Variants in COLEC12 observed in about 807,000 individuals in gnomAD.
COLEC12 encodes the protein collectin subfamily member 12.
A neutral mutation model predicts 71.1 loss-of-function variants in COLEC12; 33 were observed. That is an observed-to-expected ratio of 0.46 (90% CI 0.35 to 0.62). The LOEUF is 0.62. COLEC12 is among the 20% of genes least tolerant of loss of function. The pLI is 0.00. For missense variants in COLEC12, 765 were observed against 916.1 expected (o/e 0.84, Z 2.13); for synonymous variants, 350 against 353.0 (o/e 0.99, Z 0.10).
Position 346,467 on chromosome 18 carries a change from C to G in COLEC12, c.1155G>C (p.Leu385Phe). ...AACGGATGTTGGCCAGGGTATTATT[C>G]AAGGAGGTCAGATCATCTGTGTGTT... Reference protein sequence around the residue: ...LTKHTDDLTSLNNTLANIRLD... With the variant: ...LTKHTDDLTSFNNTLANIRLD... Residue 385 changes from leucine to phenylalanine, a missense_variant, in exon 5 of 10, where the codon TTG becomes TTC. Leu to Phe is a conservative substitution (Grantham distance 22, BLOSUM62 0). Transcript: ENST00000400256. This position sits in a 1 kb window ranked among gnomAD's most constrained non-coding sequence, Gnocchi z 4.0. 6.8e-6 allele frequency: 11 copies of G among 1,614,140 alleles called. No homozygotes were observed. The highest frequency in any genetic ancestry group is 9.3e-6 in the Non-Finnish European group (11 of 1,180,028).
chr18:470,742 A>G (rs1313688727), intron 2 of COLEC12, among the ~76,000 whole-genome samples: 1 of 152,172 alleles, frequency 6.6e-6, no homozygotes, highest in African/African-American at 2.4e-5. Flanking sequence ...GTGACAGAGT[A>G]AGACCTTGTC....
At chr18:494,878 C>A (rs9789175) in intron 1 of COLEC12, among the ~76,000 whole-genome samples, 100,246 of 152,022 alleles carry the variant, frequency 0.66, 33,393 homozygotes, top group African/African-American at 0.76. Context: ...GTATGATATC[C>A]CATCATTCAG....
intron 2 of COLEC12, among the ~76,000 whole-genome samples, chr18:411,355 T>C (rs773928489): frequency 8.5e-5 from 13 of 152,092 alleles, no homozygotes; most frequent in Non-Finnish European, 1.3e-4. Flanking sequence ...AGATCTTAAA[T>C]GCAATGAAAA....
At chr18:468,796 C>T (rs1917137526) in intron 2 of COLEC12, among the ~76,000 whole-genome samples, 1 of 152,208 alleles carries the variant, frequency 6.6e-6, no homozygotes, top group African/African-American at 2.4e-5. Context: ...ACTGGCGGTG[C>T]AAATTTACTT....
At position 466,329 on chromosome 18, in the gene COLEC12, G is replaced by A. The variant is rs891172239; in HGVS notation, c.58+14378C>T. 5.9e-5 allele frequency among the ~76,000 whole-genome samples: 9 copies of A among 152,292 alleles called. No homozygotes were observed. The East Asian group carries it at 1.3e-3, about 23-fold the overall frequency. On this transcript the variant is annotated intron_variant, in intron 2 of 9. Transcript: ENST00000400256. ...CTTCCAGGACCTTCAGAGCAGTTAC[G>A]TGCTTCCTTCAATCTTTTCCTCCTG...
chr18:488,485 G>A (rs1202606002), intron 1 of COLEC12, among the ~76,000 whole-genome samples: 1 of 152,058 alleles, frequency 6.6e-6, no homozygotes, highest in African/African-American at 2.4e-5. Context: ...GGAAGGGCTG[G>A]AAGATGGAGT....
intron 5 of COLEC12, among the ~76,000 whole-genome samples, chr18:341,307 G>A (rs531638242): frequency 3.9e-5 from 6 of 152,340 alleles, no homozygotes; most frequent in African/African-American, 1.4e-4. Flanking sequence ...CAGGCTCTCT[G>A]CGTCTCAGTT....
Position 406,306 on chromosome 18 carries a change from G to A in COLEC12, c.59-48784C>T, listed in dbSNP as rs904207166. Among the ~76,000 whole-genome samples the A allele has an allele frequency of 3.9e-5, 6 of 151,936 alleles. 1 individual carries two copies. The highest frequency in any genetic ancestry group is 1.3e-4 in the Admixed American group (2 of 15,250). On this transcript the variant is annotated intron_variant, in intron 2 of 9. Coordinates refer to ENST00000400256, the MANE Select transcript of COLEC12 (RefSeq NM_130386.3). ...GGGTGGATCATGAGGTCAGGAGATCGAGACCATCCTGGCTAACAAGGTGAA... is the reference window on the plus strand; with the variant it reads ...GGGTGGATCATGAGGTCAGGAGATCAAGACCATCCTGGCTAACAAGGTGAA...
intron 2 of COLEC12, among the ~76,000 whole-genome samples, chr18:415,460 T>C (rs1915968825): frequency 6.6e-6 from 1 of 152,096 alleles, no homozygotes; most frequent in Non-Finnish European, 1.5e-5. Context: ...AAGTTAGGCC[T>C]AACTCCTTAC....
Position 500,432 on chromosome 18 carries a change from G to GGCC in COLEC12, c.7+75_7+76insGGC. ...GCCCAAGGGAAGGTTCGCGCGGGAG[G>GGCC]CACCTCCGTGGCCTCCCGCGCGCCC... On this transcript the variant is annotated intron_variant, in intron 1 of 9. Transcript: ENST00000400256. The surrounding 1 kb of genome is among the most constrained non-coding windows in gnomAD (Gnocchi z 5.3). The GGCC allele has an allele frequency of 3.5e-6, 3 of 848,802 alleles. No homozygotes were observed. 52.6% of individuals were successfully genotyped at this position (848,802 alleles called of 1,614,324 possible). A position where few individuals can be genotyped will look rare whatever the true frequency, so the allele number is the denominator to read the frequency against.
At chr18:472,925 A>AG (rs1361951809) in intron 2 of COLEC12, among the ~76,000 whole-genome samples, 1 of 151,780 alleles carries the variant, frequency 6.6e-6, no homozygotes, top group African/African-American at 2.4e-5. Flanking sequence ...GCAGAGTGGG[A>AG]GGGGTGGGAG....
At chr18:438,341 C>A (rs1916446934) in intron 2 of COLEC12, among the ~76,000 whole-genome samples, 1 of 152,160 alleles carries the variant, frequency 6.6e-6, no homozygotes, top group African/African-American at 2.4e-5. Flanking sequence ...AGCTAAAATT[C>A]ATTCCAAATT....
At chr18:447,965 G>C (rs567368012) in intron 2 of COLEC12, among the ~76,000 whole-genome samples, 1 of 152,316 alleles carries the variant, frequency 6.6e-6, no homozygotes, top group East Asian at 1.9e-4. Flanking sequence ...ATTTGGGTTA[G>C]GGGTGGGATG....
At chr18:388,672 C>T (rs1157703603) in intron 2 of COLEC12, among the ~76,000 whole-genome samples, 2 of 152,210 alleles carry the variant, frequency 1.3e-5, no homozygotes, top group African/African-American at 4.8e-5. Flanking sequence ...AGCTCACTCC[C>T]ACCTCAGCCT....
At chr18:414,436 T>C (rs547205256) in intron 2 of COLEC12, among the ~76,000 whole-genome samples, 8 of 152,056 alleles carry the variant, frequency 5.3e-5, no homozygotes, top group African/African-American at 1.7e-4. Context: ...TCGACTCTAC[T>C]AAAAATACAA....
intron 7 of COLEC12, among the ~76,000 whole-genome samples, chr18:332,129 C>T: frequency 6.6e-6 from 1 of 152,206 alleles, no homozygotes; most frequent in East Asian, 1.9e-4. Flanking sequence ...TGGGCACTTC[C>T]TCTGGGCTGG....
chr18:433,537 C>A (rs1301459608), intron 2 of COLEC12, among the ~76,000 whole-genome samples: 1 of 152,076 alleles, frequency 6.6e-6, no homozygotes, highest in Non-Finnish European at 1.5e-5. Context: ...GTTGCATTCC[C>A]CAGGAGGCCC....
intron 2 of COLEC12, among the ~76,000 whole-genome samples, chr18:398,811 T>C (rs1915621997): frequency 1.3e-5 from 2 of 152,310 alleles, no homozygotes; most frequent in Non-Finnish European, 1.5e-5. Flanking sequence ...CTCCAAAATC[T>C]CCGGGCTTTT....
intron 1 of COLEC12, among the ~76,000 whole-genome samples, chr18:488,011 T>C (rs899811133): frequency 6.6e-6 from 1 of 152,170 alleles, no homozygotes; most frequent in African/African-American, 2.4e-5. Context: ...ATCTACATTA[T>C]GCAGGAAAAT....
Sources: gnomAD v4.1 joint callset for allele counts (sites outside exome capture counted in the v4.1 genomes callset) on GRCh38, gnomAD v4.1.1 for gene constraint, Gnocchi (gnomAD v3.1) non-coding constraint, MANE v1.5 for transcripts, NCBI Gene and HGNC (gene_info 2026-07-23, HGNC 2026-07-21) for gene names.